RGS6: variants seen among roughly 807,000 people sequenced by gnomAD.
The protein encoded by RGS6 is regulator of G protein signaling 6.
Under a neutral mutation model 78.5 loss-of-function variants are expected in RGS6, and 30 were observed. The observed-to-expected ratio is 0.38, with a 90% CI of 0.29 to 0.52. RGS6 has a LOEUF of 0.52. RGS6 is among the 20% of genes least tolerant of loss of function. The pLI is 0.85. For synonymous variants in RGS6, 206 were observed against 206.0 expected, an observed-to-expected ratio of 1.00 and a Z score of 0.00; for missense variants, 495 against 609.7, an observed-to-expected ratio of 0.81 and a Z score of 1.98.
intron 17 of RGS6, chr14:72,541,516 C>G: frequency 6.5e-7 from 1 of 1,535,734 alleles, no homozygotes; most frequent in Non-Finnish European, 8.7e-7. Context: ...ATCTTCATGG[C>G]TGCTTTGCCA....
intron 3 of RGS6, among the ~76,000 whole-genome samples, chr14:72,407,096 G>T (rs1347223256): frequency 6.6e-6 from 1 of 152,228 alleles, no homozygotes; most frequent in Non-Finnish European, 1.5e-5. Context: ...ACATTGGTTT[G>T]TAATGTATCA....
chr14:72,202,070 A>T (rs946647215), intron 2 of RGS6, among the ~76,000 whole-genome samples: 1 of 152,228 alleles, frequency 6.6e-6, no homozygotes, highest in Non-Finnish European at 1.5e-5. Context: ...TTTAAATTGA[A>T]ATCCAATATC....
intron 2 of RGS6, among the ~76,000 whole-genome samples, chr14:72,306,847 T>C (rs1366030323): frequency 6.6e-6 from 1 of 152,226 alleles, no homozygotes; most frequent in Non-Finnish European, 1.5e-5. Flanking sequence ...GACAACAAAG[T>C]ATTTAGAATA....
intron 2 of RGS6, among the ~76,000 whole-genome samples, chr14:72,022,836 C>G (rs749683598): frequency 6.6e-6 from 1 of 151,976 alleles, no homozygotes; most frequent in African/African-American, 2.4e-5. Context: ...GGTTTTGTAT[C>G]TGAGCTCCCT....
chr14:72,344,448 T>A (rs2239235), intron 2 of RGS6, among the ~76,000 whole-genome samples: 1 of 151,922 alleles, frequency 6.6e-6, no homozygotes, highest in Non-Finnish European at 1.5e-5. Flanking sequence ...ATTTTTGTTA[T>A]GGAATCCATT....
chr14:72,094,746 A>C (rs778434045), intron 2 of RGS6, among the ~76,000 whole-genome samples: 1 of 152,198 alleles, frequency 6.6e-6, no homozygotes, highest in African/African-American at 2.4e-5. Context: ...TTATACCTTA[A>C]TTATGGGATT....
At chr14:72,310,897 C>A (rs1288324779) in intron 2 of RGS6, among the ~76,000 whole-genome samples, 1 of 152,150 alleles carries the variant, frequency 6.6e-6, no homozygotes, top group Non-Finnish European at 1.5e-5. Flanking sequence ...TTCATAGGTA[C>A]CAGGATAATA....
chr14:72,057,089 G>A (rs552212606), intron 2 of RGS6, among the ~76,000 whole-genome samples: 42 of 152,046 alleles, frequency 2.8e-4, no homozygotes, highest in African/African-American at 9.7e-4. Flanking sequence ...CGAGGCAGGC[G>A]GATCACTTGA....
intron 2 of RGS6, among the ~76,000 whole-genome samples, chr14:72,306,403 C>T (rs532325437): frequency 2.8e-4 from 43 of 152,218 alleles, no homozygotes; most frequent in South Asian, 4.2e-4. Flanking sequence ...TTTTGATTTC[C>T]AAGTCTTATT....
intron 2 of RGS6, among the ~76,000 whole-genome samples, chr14:71,981,286 T>G (rs2094438131): frequency 6.6e-6 from 1 of 151,910 alleles, no homozygotes; most frequent in East Asian, 1.9e-4. Context: ...TCCGTCCAGC[T>G]TTGTTCCGTT....
intron 2 of RGS6, among the ~76,000 whole-genome samples, chr14:72,224,344 G>C (rs2047586280): frequency 6.6e-6 from 1 of 152,066 alleles, no homozygotes; most frequent in South Asian, 2.1e-4. Flanking sequence ...CTTGAGCCCT[G>C]GAGGGAGAGG....
At chr14:71,931,017 A>G (rs1200113768), upstream of RGS6, among the ~76,000 whole-genome samples, 2 of 116,262 alleles carry the variant, frequency 1.7e-5, no homozygotes, top group African/African-American at 3.5e-5. Context: ...AAAAAAAAAA[A>G]GCAGAGCTCC....
chr14:72,520,360 A>G (rs776866049), intron 15 of RGS6, among the ~76,000 whole-genome samples: 45 of 152,180 alleles, frequency 3.0e-4, no homozygotes, highest in African/African-American at 2.7e-4. Context: ...AATTCGTTTT[A>G]TAAGATATTT....
chr14:72,040,670 G>C (rs1023410979), intron 2 of RGS6, among the ~76,000 whole-genome samples: 3 of 152,056 alleles, frequency 2.0e-5, no homozygotes, highest in Admixed American at 1.3e-4. Context: ...GATTTGGGAA[G>C]TTTTCAGTCA....
intron 17 of RGS6, among the ~76,000 whole-genome samples, chr14:72,559,512 G>A (rs995503978): frequency 3.9e-5 from 6 of 152,230 alleles, no homozygotes; most frequent in African/African-American, 1.2e-4. Flanking sequence ...GGGCTGAGCT[G>A]CCTCTCAAGC....
At chr14:72,204,214 T>C (rs1313888494) in intron 2 of RGS6, among the ~76,000 whole-genome samples, 1 of 152,168 alleles carries the variant, frequency 6.6e-6, no homozygotes, top group African/African-American at 2.4e-5. Flanking sequence ...TCTAAAACTT[T>C]TCATCACCCC....
intron 2 of RGS6, among the ~76,000 whole-genome samples, chr14:72,226,498 A>G (rs1232352317): frequency 1.3e-5 from 2 of 152,202 alleles, no homozygotes; most frequent in East Asian, 1.9e-4. Context: ...ATGGCTTGAT[A>G]TATCTGGGGG....
intron 2 of RGS6, among the ~76,000 whole-genome samples, chr14:72,001,417 C>G (rs924323907): frequency 1.3e-5 from 2 of 150,744 alleles, no homozygotes; most frequent in Non-Finnish European, 2.9e-5. Flanking sequence ...ATGCCCAAAT[C>G]CCAAAAGGAA....
intron 2 of RGS6, among the ~76,000 whole-genome samples, chr14:72,016,470 A>G (rs976993834): frequency 1.3e-5 from 2 of 152,086 alleles, no homozygotes; most frequent in Admixed American, 6.5e-5. Flanking sequence ...GGTTCACGCC[A>G]TTCTCCTGCC....
Sources: gnomAD v4.1 joint callset for allele counts (sites outside exome capture counted in the v4.1 genomes callset) on GRCh38, gnomAD v4.1.1 for gene constraint, MANE v1.5 for transcripts, NCBI Gene and HGNC (gene_info 2026-07-23, HGNC 2026-07-21) for gene names.